EVC2: variants seen among roughly 807,000 people sequenced by gnomAD.
EVC2 encodes EvC ciliary complex subunit 2.
EVC2 carries 148 observed loss-of-function variants against 149.3 expected under a neutral mutation model. The observed-to-expected ratio is 0.99, with a 90% CI of 0.87 to 1.14. EVC2 has a LOEUF of 1.14. EVC2 is among the 50% of genes most tolerant of loss of function. The pLI is 0.00. For missense variants in EVC2, 1,854 were observed against 1,627.3 expected (o/e 1.14, Z -2.40); for synonymous variants, 776 against 649.9 (o/e 1.19, Z -2.95).
chr4:5,546,440 T>C (rs1172900220), intron 21 of EVC2, among the ~76,000 whole-genome samples: 3 of 152,010 alleles, frequency 2.0e-5, no homozygotes, highest in Admixed American at 2.0e-4. Context: ...CTGGAAACCA[T>C]CATTCTCAGC....
chr4:5,610,609 G>T (rs550158991), intron 16 of EVC2, among the ~76,000 whole-genome samples: 2 of 152,108 alleles, frequency 1.3e-5, no homozygotes, highest in African/African-American at 2.4e-5. Context: ...TCAGGGCAGG[G>T]GAGGGTGCCA....
intron 16 of EVC2, among the ~76,000 whole-genome samples, chr4:5,609,971 T>C (rs759506982): frequency 2.6e-5 from 4 of 152,172 alleles, no homozygotes; most frequent in Non-Finnish European, 5.9e-5. Context: ...GGGTAAAGCA[T>C]GTAATGAACA....
intron 6 of EVC2, among the ~76,000 whole-genome samples, chr4:5,684,248 A>T (rs13149913): frequency 0.93 from 141,683 of 152,294 alleles, 66,029 homozygotes; most frequent in African/African-American, 0.97. Context: ...CAATTTCTTG[A>T]ATCTTGTATT....
intron 21 of EVC2, among the ~76,000 whole-genome samples, chr4:5,549,288 C>G (rs569949154): frequency 1.3e-5 from 2 of 152,266 alleles, no homozygotes; most frequent in African/African-American, 4.8e-5. Context: ...CTATTTTACT[C>G]CCTGCAATAA....
intron 16 of EVC2, among the ~76,000 whole-genome samples, chr4:5,589,947 G>T (rs1481499410): frequency 6.6e-6 from 1 of 152,124 alleles, no homozygotes; most frequent in African/African-American, 2.4e-5. Flanking sequence ...CATAAGGGAG[G>T]TCTGTATATG....
In EVC2 at chr4:5,667,382, T is replaced by A. The variant is rs561016799; in HGVS notation, c.871-1733A>T. Among the ~76,000 whole-genome samples, 4 of 152,080 alleles carry A rather than the reference T, an allele frequency of 2.6e-5. No individual in the cohort carries two copies. The South Asian group carries it at 8.3e-4, about 32-fold the overall frequency. ...ATTATTATTATTACTACTATTATGA[T>A]GATGATTATAAAAAAAGTAAGGCAA... is the stretch of plus-strand genomic sequence containing the variant. On this transcript the variant is annotated intron_variant, in intron 7 of 21. Coordinates refer to ENST00000344408, the MANE Select transcript of EVC2 (RefSeq NM_147127.5).
At chr4:5,575,260 T>C (rs1206587217) in intron 18 of EVC2, among the ~76,000 whole-genome samples, 1 of 152,230 alleles carries the variant, frequency 6.6e-6, no homozygotes, top group Non-Finnish European at 1.5e-5. Flanking sequence ...TTTGTGGATC[T>C]GCCTCGTGCT....
intron 16 of EVC2, among the ~76,000 whole-genome samples, chr4:5,604,765 A>G (rs1714253304): frequency 6.6e-6 from 1 of 152,128 alleles, no homozygotes; most frequent in South Asian, 2.1e-4. Context: ...CCCTGACTTG[A>G]CCATTATACA....
At chr4:5,583,860 GTT>G (rs11284060) in intron 17 of EVC2, among the ~76,000 whole-genome samples, 3 of 145,772 alleles carry the variant, frequency 2.1e-5, no homozygotes, top group African/African-American at 5.0e-5. Context: ...AAGAAACACA[GTT>G]TTTTTTTTTT....
intron 2 of EVC2, among the ~76,000 whole-genome samples, chr4:5,697,099 A>G (rs1721522465): frequency 6.6e-6 from 1 of 152,176 alleles, no homozygotes; most frequent in Non-Finnish European, 1.5e-5. Flanking sequence ...ATCCATCCCT[A>G]AGGAACGCAG....
chr4:5,560,446 A>T (rs1721916152), downstream of EVC2, among the ~76,000 whole-genome samples: 2 of 152,146 alleles, frequency 1.3e-5, no homozygotes, highest in Admixed American at 6.6e-5. This position sits in a 1 kb window ranked among gnomAD's most constrained non-coding sequence, Gnocchi z 4.1. Context: ...TTCACAGGGC[A>T]GTGGGAAGGA....
At chr4:5,673,570 C>A (rs909422587) in intron 7 of EVC2, among the ~76,000 whole-genome samples, 5 of 152,212 alleles carry the variant, frequency 3.3e-5, no homozygotes, top group South Asian at 2.1e-4. Context: ...GGCTTCCCCC[C>A]CAGAGTCCTC....
In EVC2 at chr4:5,657,152, G is replaced by A. The variant is rs1002942635; in HGVS notation, c.1145+5955C>T. ...GCAGGGAGGCCCACCAGCCTCACACGGGCACTCCATGTTGCTCAGCAAGTC... is the reference window on the plus strand; with the variant it reads ...GCAGGGAGGCCCACCAGCCTCACACAGGCACTCCATGTTGCTCAGCAAGTC... On this transcript the variant is annotated intron_variant, in intron 9 of 21. Transcript: ENST00000344408. The surrounding 1 kb of genome is among the most constrained non-coding windows in gnomAD (Gnocchi z 4.7). 3.9e-5 allele frequency among the ~76,000 whole-genome samples: 6 copies of A among 151,962 alleles called. No individual in the cohort carries two copies. Among genetic ancestry groups the A allele is most frequent in the Non-Finnish European group, 5.9e-5 (4 of 68,008 alleles).
intron 13 of EVC2, among the ~76,000 whole-genome samples, chr4:5,623,432 C>T (rs1715878020): frequency 6.6e-6 from 1 of 151,994 alleles, no homozygotes; most frequent in African/African-American, 2.4e-5. Context: ...CTCCACCTCC[C>T]AGGTTCAAGT....
In EVC2 at chr4:5,545,427, C is replaced by T. The variant is rs10012010; in HGVS notation, c.3420-2215G>A. On this transcript the variant is annotated intron_variant and NMD_transcript_variant, in intron 21 of 22. Coordinates refer to the EVC2 transcript ENST00000475313. ...CTCTGAGGGAATTACTCATCTGAGC[C>T]CAGTTTCCTCAGATATAAAAATGAG... Among the ~76,000 whole-genome samples the T allele has an allele frequency of 9.1e-3, 1,379 of 152,206 alleles. 18 individuals carry two copies. Among genetic ancestry groups the T allele is most frequent in the African/African-American group, 0.031 (1,281 of 41,532 alleles).
In EVC2 at chr4:5,662,532, TTAAATATAATATTAATATTAAATA is replaced by T. The variant is rs1342790447; in HGVS notation, c.1145+551_1145+574del. Among the ~76,000 whole-genome samples the T allele has an allele frequency of 1.3e-3, 189 of 143,866 alleles. 1 individual carries two copies. The highest frequency in any genetic ancestry group is 4.7e-3 in the African/African-American group (187 of 39,582). 94.4% of individuals were successfully genotyped at this position (143,866 alleles called of 152,430 possible). A position where few individuals can be genotyped will look rare whatever the true frequency, so the allele number is the denominator to read the frequency against. Reference sequence around the variant, plus strand: ...AAATATAATATTAATATTAAATATATTAAATATAATATTAATATTAAATATATTAAATATAATATATATTTATAT... The same window carrying T: ...AAATATAATATTAATATTAAATATATTATTAAATATAATATATATTTATAT... On this transcript the variant is annotated intron_variant, in intron 9 of 21. Coordinates refer to ENST00000344408, the MANE Select transcript of EVC2 (RefSeq NM_147127.5).
At chr4:5,676,089 A>G (rs1719972957) in intron 7 of EVC2, among the ~76,000 whole-genome samples, 1 of 152,228 alleles carries the variant, frequency 6.6e-6, no homozygotes, top group Admixed American at 6.5e-5. Context: ...TGCCCGGCAC[A>G]GTACCCAGCC....
At chr4:5,652,526 C>T (rs12108470) in intron 9 of EVC2, among the ~76,000 whole-genome samples, 9,807 of 152,120 alleles carry the variant, frequency 0.064, 1,044 homozygotes, top group African/African-American at 0.22. Flanking sequence ...ACCAGAAGGC[C>T]GAGACGAAGG....
Position 5,576,219 on chromosome 4 carries a change from G to A in EVC2, c.3272+21C>T. On this transcript the variant is annotated intron_variant, in intron 18 of 21. Transcript: ENST00000344408. The surrounding 1 kb of genome is among the most constrained non-coding windows in gnomAD (Gnocchi z 4.5). ...CTGCTGGGGACTAATATCTTTGAGT[G>A]CTACGGGGCACACGGCATACCACTG... The A allele has an allele frequency of 6.2e-7, 1 of 1,614,104 alleles. No homozygotes were observed. Among genetic ancestry groups the A allele is most frequent in the South Asian group, 1.1e-5 (1 of 91,082 alleles).
Sources: gnomAD v4.1 joint callset for allele counts (sites outside exome capture counted in the v4.1 genomes callset) on GRCh38, gnomAD v4.1.1 for gene constraint, Gnocchi (gnomAD v3.1) non-coding constraint, MANE v1.5 for transcripts, NCBI Gene and HGNC (gene_info 2026-07-23, HGNC 2026-07-21) for gene names.